Variants in HNRNPF observed in about 807,000 individuals in gnomAD.
HNRNPF encodes the protein HnRNP F protein.
In HNRNPF, 2 loss-of-function variants were observed where a neutral mutation model predicts 26.0. The observed-to-expected ratio is 0.08, with a 90% confidence interval of 0.03 to 0.24. HNRNPF has a LOEUF of 0.24. Among genes scored for constraint, HNRNPF ranks in the 10% least tolerant of loss-of-function variants. The probability of loss-of-function intolerance (pLI) is 1.00; values close to 1 mark genes in which losing one functional copy is unlikely to be tolerated. For synonymous variants in HNRNPF, 234 were observed against 211.5 expected (o/e 1.11, Z -0.92); for missense variants, 299 against 539.2 (o/e 0.55, Z 4.41).
chr10:43,394,824 A>AC (rs1333357294), intron 2 of HNRNPF, 136 bp from the exon 3 acceptor site: 1 of 152,158 alleles, frequency 6.6e-6, no homozygotes, highest in Non-Finnish European at 1.5e-5. Flanking sequence ...TAAATCTCAC[A>AC]CCCCATCCAC....
At chr10:43,395,269 A>G (rs1366743110) in intron 2 of HNRNPF, among the ~76,000 whole-genome samples, 1 of 152,180 alleles carries the variant, frequency 6.6e-6, no homozygotes. Context: ...AGTCTGATTT[A>G]TAGGAACCCC....
chr10:43,406,705 TA>T (rs1261206262), intron 1 of HNRNPF, among the ~76,000 whole-genome samples: 1 of 152,000 alleles, frequency 6.6e-6, no homozygotes, highest in African/African-American at 2.4e-5. Context: ...AAATAATACA[TA>T]TTTTTTTATA....
intron 1 of HNRNPF, among the ~76,000 whole-genome samples, chr10:43,403,992 G>GA (rs34662897): frequency 0.032 from 4,493 of 140,506 alleles, 332 homozygotes; most frequent in East Asian, 0.29. Context: ...ACCCTTTCTC[G>GA]AAAAAAAAAA....
intron 1 of HNRNPF, among the ~76,000 whole-genome samples, chr10:43,397,800 T>C (rs1029490114): frequency 3.9e-5 from 6 of 152,192 alleles, no homozygotes; most frequent in African/African-American, 1.4e-4. Flanking sequence ...ATTGTAAATT[T>C]TGTTGTCATT....
At chr10:43,401,730 G>A (rs532963191) in intron 1 of HNRNPF, among the ~76,000 whole-genome samples, 2 of 152,250 alleles carry the variant, frequency 1.3e-5, no homozygotes, top group East Asian at 1.9e-4. Context: ...CCCTAAATAG[G>A]TGCATAGTCA....
chr10:43,408,656 C>T (rs1216999406), intron 1 of HNRNPF: 1 of 152,294 alleles, frequency 6.6e-6, no homozygotes, highest in Non-Finnish European at 1.5e-5. Context: ...TCCCCACCCC[C>T]AGGGGGACCC....
rs1313464526 is a variant in HNRNPF, at chr10:43,386,750, C to CT, written c.1134dup (p.Gly379ArgfsTer37). On this transcript the variant is annotated frameshift_variant, in exon 4 of 4. Transcript: ENST00000682386. LOFTEE classifies it high-confidence loss of function. ...GCCTGGGCAGCAGACACCCCCATGC[C>CT]TTGCATCACCTGGCTGCTATACGCC... 6.2e-7 allele frequency: 1 copy of CT among 1,614,218 alleles called. No homozygotes were observed. The highest frequency in any genetic ancestry group is 8.5e-7 in the Non-Finnish European group (1 of 1,180,032).
At position 43,386,386 on chromosome 10, in the gene HNRNPF, TAAC is replaced by T. The variant is rs1838023835; in HGVS notation, c.*248_*250del. 4 of 410,594 alleles carry T rather than the reference TAAC, an allele frequency of 9.7e-6. No homozygotes were observed. The highest frequency in any genetic ancestry group is 8.6e-6 in the Non-Finnish European group (2 of 232,202). The allele number at this position is 410,594 out of a possible 1,614,324, so 25.4% of individuals were successfully genotyped here. On this transcript the variant is annotated 3_prime_UTR_variant, in exon 4 of 4. Transcript: ENST00000682386. ...CATACTTAAACTACTTAAACTTAGA[TAAC>T]ATCACTCTGAAGTATACTACCAAAA...
At chr10:43,392,565 TCCTAC>T (rs1332267266) in intron 3 of HNRNPF, among the ~76,000 whole-genome samples, 1 of 152,110 alleles carries the variant, frequency 6.6e-6, no homozygotes, top group Non-Finnish European at 1.5e-5. Flanking sequence ...AACTGCATGA[TCCTAC>T]TATACAGATC....
At chr10:43,393,900 T>C (rs1359998691) in intron 3 of HNRNPF, among the ~76,000 whole-genome samples, 1 of 152,182 alleles carries the variant, frequency 6.6e-6, no homozygotes, top group Non-Finnish European at 1.5e-5. Flanking sequence ...TCCCCAAATA[T>C]ACTCTGTTCA....
intron 1 of HNRNPF, chr10:43,397,131 G>C (rs534440909): frequency 8.5e-5 from 13 of 152,278 alleles, no homozygotes; most frequent in Middle Eastern, 3.2e-3. Flanking sequence ...AGGGACCTGG[G>C]GGGGGCGGCC....
intron 3 of HNRNPF, among the ~76,000 whole-genome samples, chr10:43,391,353 G>A (rs1183816936): frequency 6.6e-6 from 1 of 151,802 alleles, no homozygotes; most frequent in Non-Finnish European, 1.5e-5. Flanking sequence ...AGCCACTACG[G>A]AGGCTGAGGC....
chr10:43,406,034 A>C (rs1171936596), intron 1 of HNRNPF, among the ~76,000 whole-genome samples: 2 of 152,158 alleles, frequency 1.3e-5, no homozygotes, highest in East Asian at 1.9e-4. Flanking sequence ...CCATTTTCTC[A>C]TCTGAAACAT....
chr10:43,403,073 G>A (rs747770318), intron 1 of HNRNPF, among the ~76,000 whole-genome samples: 10 of 152,054 alleles, frequency 6.6e-5, no homozygotes, highest in Non-Finnish European at 1.3e-4. Context: ...TTGAACTCCT[G>A]AGCTCAAACC....
At chr10:43,397,670 G>A (rs1200785012) in intron 1 of HNRNPF, among the ~76,000 whole-genome samples, 1 of 152,126 alleles carries the variant, frequency 6.6e-6, no homozygotes, top group Non-Finnish European at 1.5e-5. Context: ...TTTTTTTAAC[G>A]CAATTCCTAA....
chr10:43,387,227 T>G lies in HNRNPF; in HGVS notation c.658A>C (p.Ile220Leu), dbSNP rs749217091. 1 of 1,614,198 alleles carries G rather than the reference T, an allele frequency of 6.2e-7. No individual in the cohort carries two copies. Among genetic ancestry groups the G allele is most frequent in the African/African-American group, 1.3e-5 (1 of 75,070 alleles). Residue 220 changes from isoleucine (I) to leucine (L), a missense_variant, in exon 4 of 4, where the codon ATT becomes CTT. By Grantham distance (5) the Ile-to-Leu change is conservative. This residue lies in a region of HNRNPF where 15 missense variants were observed against 40.3 expected (regional missense o/e 0.37). Transcript: ENST00000682386. The surrounding 1 kb of genome is among the most constrained non-coding windows in gnomAD (Gnocchi z 6.0). ...YDRPGTARRY[I>L]GIVKQAGLER... ...AGGCCTGCCTGCTTCACGATGCCAA[T>G]GTACCTCCTGGCAGTCCCGGGCCGG...
At position 43,386,321 on chromosome 10, in the gene HNRNPF, G is replaced by T. The variant is rs1838020687; in HGVS notation, c.*316C>A. 1 of 220,270 alleles carries T rather than the reference G, an allele frequency of 4.5e-6. No individual in the cohort carries two copies. Among genetic ancestry groups the T allele is most frequent in the African/African-American group, 2.3e-5 (1 of 43,938 alleles). The allele number at this position is 220,270 out of a possible 1,614,324, so 13.6% of individuals were successfully genotyped here. ...TTTTCCAAAAAAGCACGTCTCCCCA[G>T]TGTGTTCACTGTGATGTGGTGTAAA... On this transcript the variant is annotated 3_prime_UTR_variant, in exon 4 of 4. Transcript: ENST00000682386.
intron 1 of HNRNPF, among the ~76,000 whole-genome samples, chr10:43,405,445 A>G (rs1335706961): frequency 6.6e-6 from 1 of 152,066 alleles, no homozygotes; most frequent in Non-Finnish European, 1.5e-5. Flanking sequence ...TCACGAGGTC[A>G]GGAGATCGAG....
In HNRNPF at chr10:43,386,627, C is replaced by T; in HGVS notation, c.*10G>A. 1 of 1,529,192 alleles carries T rather than the reference C, an allele frequency of 6.5e-7. No individual in the cohort carries two copies. The allele number at this position is 1,529,192 out of a possible 1,614,324, so 94.7% of individuals were successfully genotyped here. A position where few individuals can be genotyped will look rare whatever the true frequency, so the allele number is the denominator to read the frequency against. ...AAATGATTGAAGTAACTCAAATGTT[C>T]CTAACAAAACTAGTCATAGCCACCC... is the stretch of plus-strand genomic sequence containing the variant. On this transcript the variant is annotated 3_prime_UTR_variant, in exon 4 of 4. Transcript: ENST00000682386.
Sources: allele counts gnomAD v4.1 joint callset (sites outside exome capture counted in the v4.1 genomes callset), GRCh38; gene constraint gnomAD v4.1.1; regional missense constraint gnomAD v4.1.1; non-coding constraint Gnocchi (gnomAD v3.1); transcripts MANE v1.5; gene names NCBI Gene and HGNC (gene_info 2026-07-23, HGNC 2026-07-21).